Variants in PDGFD observed in about 807,000 individuals in gnomAD.
PDGFD encodes platelet derived growth factor D.
PDGFD carries 30 observed loss-of-function variants against 44.7 expected under a neutral mutation model. That is an observed-to-expected ratio of 0.67 (90% CI 0.50 to 0.91). The LOEUF is 0.91. PDGFD is among the 40% of genes least tolerant of loss of function. The probability of loss-of-function intolerance (pLI) is 0.00; values close to 1 mark genes in which losing one functional copy is unlikely to be tolerated. For missense variants in PDGFD, 445 were observed against 457.8 expected (o/e 0.97, Z 0.25); for synonymous variants, 173 against 168.4 (o/e 1.03, Z -0.21).
chr11:104,094,177 T>C (rs1450807888), intron 1 of PDGFD, among the ~76,000 whole-genome samples: 1 of 152,068 alleles, frequency 6.6e-6, no homozygotes, highest in Non-Finnish European at 1.5e-5. Flanking sequence ...TCTATCTTGA[T>C]ACCCTAGCTT....
At chr11:103,946,964 C>A (rs1858676455) in intron 4 of PDGFD, among the ~76,000 whole-genome samples, 2 of 152,196 alleles carry the variant, frequency 1.3e-5, no homozygotes, top group African/African-American at 4.8e-5. Flanking sequence ...GAACCATGGG[C>A]AAGCTTTCTC....
intron 1 of PDGFD, among the ~76,000 whole-genome samples, chr11:104,028,263 C>CT (rs1223155324): frequency 6.6e-6 from 1 of 150,946 alleles, no homozygotes; most frequent in African/African-American, 2.4e-5. Flanking sequence ...TAGGATAATC[C>CT]TAGTTATTTT....
At chr11:104,096,270 T>C (rs1373474906) in intron 1 of PDGFD, among the ~76,000 whole-genome samples, 1 of 152,110 alleles carries the variant, frequency 6.6e-6, no homozygotes, top group Non-Finnish European at 1.5e-5. Context: ...AGTAGCTCTC[T>C]TATGTATAGC....
intron 5 of PDGFD, among the ~76,000 whole-genome samples, chr11:103,931,354 G>A (rs920132448): frequency 2.6e-5 from 4 of 152,252 alleles, no homozygotes; most frequent in Admixed American, 2.6e-4. Context: ...AAGCACCTTT[G>A]TTCTCCACAT....
intron 1 of PDGFD, among the ~76,000 whole-genome samples, chr11:104,081,859 A>G (rs1163887189): frequency 6.6e-6 from 1 of 152,106 alleles, no homozygotes; most frequent in Admixed American, 6.6e-5. Context: ...TCCTCTTGCA[A>G]TTCACAAAAC....
At chr11:104,037,161 A>C (rs201809029) in intron 1 of PDGFD, 2 of 1,613,706 alleles carry the variant, frequency 1.2e-6, no homozygotes, top group Non-Finnish European at 1.7e-6. Flanking sequence ...AGCACCCTGG[A>C]CAGCAGCAGC....
At chr11:104,159,163 A>AG (rs1167392453) in intron 1 of PDGFD, among the ~76,000 whole-genome samples, 3 of 151,790 alleles carry the variant, frequency 2.0e-5, no homozygotes, top group African/African-American at 7.3e-5. Context: ...CAAAAAAAAA[A>AG]AAAAAAAAAA....
intron 3 of PDGFD, among the ~76,000 whole-genome samples, chr11:103,960,248 T>C (rs945483098): frequency 3.9e-5 from 6 of 152,118 alleles, no homozygotes; most frequent in Non-Finnish European, 8.8e-5. Context: ...AAAATAGGGA[T>C]TGGGTGAACT....
chr11:103,933,284 G>A lies in PDGFD; in HGVS notation c.773-6158C>T, dbSNP rs575326013. Among the ~76,000 whole-genome samples, 846 of 152,230 alleles carry A rather than the reference G, an allele frequency of 5.6e-3. 1 individual carries two copies. Among genetic ancestry groups the A allele is most frequent in the Middle Eastern group, 0.014 (4 of 292 alleles). On this transcript the variant is annotated intron_variant, in intron 5 of 6. Coordinates refer to ENST00000393158, the MANE Select transcript of PDGFD (RefSeq NM_025208.5). ...TTCTCAAGGTTCATAAGTTCACCAG[G>A]AGTCTTCATCCTTATGAATATTACA... is the stretch of plus-strand genomic sequence containing the variant.
In PDGFD at chr11:104,002,772, A is replaced by T. The variant is rs75609282; in HGVS notation, c.125-2517T>A. On this transcript the variant is annotated intron_variant, in intron 1 of 6. Transcript: ENST00000393158. The stretch of plus-strand genomic sequence containing the variant: ...CATTTTTGTGCCTCTAGTGCTATTA[A>T]TTATTTATTAGTTTCTCTCTAAATT... Among the ~76,000 whole-genome samples, 456 of 152,214 alleles carry T rather than the reference A, an allele frequency of 3.0e-3. 4 individuals are homozygous for T. Among genetic ancestry groups the T allele is most frequent in the Non-Finnish European group, 3.4e-3 (230 of 68,016 alleles).
chr11:104,071,340 A>T (rs942969439), intron 1 of PDGFD, among the ~76,000 whole-genome samples: 23 of 151,568 alleles, frequency 1.5e-4, no homozygotes, highest in Non-Finnish European at 5.9e-5. Context: ...ATATATGTGT[A>T]TATGTATTAT....
intron 1 of PDGFD, among the ~76,000 whole-genome samples, chr11:104,033,138 GT>G (rs1202846071): frequency 6.6e-6 from 1 of 151,224 alleles, no homozygotes; most frequent in African/African-American, 2.4e-5. Flanking sequence ...GTCAGAAGAG[GT>G]TTTCATTTAA....
At chr11:104,050,445 G>C (rs922944414) in intron 1 of PDGFD, among the ~76,000 whole-genome samples, 2 of 152,174 alleles carry the variant, frequency 1.3e-5, no homozygotes, top group African/African-American at 4.8e-5. Flanking sequence ...GCCCGCTTGA[G>C]ATTCTACTCT....
intron 1 of PDGFD, among the ~76,000 whole-genome samples, chr11:104,022,811 GTA>G (rs1859982738): frequency 6.6e-6 from 1 of 151,768 alleles, no homozygotes; most frequent in Non-Finnish European, 1.5e-5. Context: ...AGATATATAT[GTA>G]TATACACACA....
intron 1 of PDGFD, among the ~76,000 whole-genome samples, chr11:104,073,021 T>C (rs1032074261): frequency 2.0e-5 from 3 of 152,086 alleles, no homozygotes; most frequent in African/African-American, 7.2e-5. Context: ...TAAATATGTA[T>C]AGAAAAATCA....
chr11:104,141,694 T>G (rs532581603), intron 1 of PDGFD, among the ~76,000 whole-genome samples: 2 of 152,006 alleles, frequency 1.3e-5, no homozygotes. Flanking sequence ...CCTATATGAG[T>G]GAAGCTAGGG....
intron 1 of PDGFD, among the ~76,000 whole-genome samples, chr11:104,130,329 G>T (rs1861903291): frequency 6.6e-6 from 1 of 152,116 alleles, no homozygotes; most frequent in Non-Finnish European, 1.5e-5. Flanking sequence ...CCAAGGAAGA[G>T]CAGGGACATT....
At chr11:103,989,178 G>A (rs748912937) in intron 3 of PDGFD, among the ~76,000 whole-genome samples, 2 of 151,986 alleles carry the variant, frequency 1.3e-5, no homozygotes, top group Non-Finnish European at 2.9e-5. Flanking sequence ...ACTGTATTTA[G>A]GTTTTAGGAA....
At chr11:104,019,647 T>C (rs1336220273) in intron 1 of PDGFD, among the ~76,000 whole-genome samples, 4 of 152,190 alleles carry the variant, frequency 2.6e-5, no homozygotes, top group Admixed American at 6.5e-5. Context: ...AATGTTAAGA[T>C]TCTTTCTGAA....
Sources: allele counts gnomAD v4.1 joint callset (sites outside exome capture counted in the v4.1 genomes callset), GRCh38; gene constraint gnomAD v4.1.1; transcripts MANE v1.5; gene names NCBI Gene and HGNC (gene_info 2026-07-23, HGNC 2026-07-21).